Variants in CSMD1 observed in about 807,000 individuals in gnomAD.
CSMD1 encodes CUB and Sushi multiple domains 1.
A neutral mutation model predicts 417.5 loss-of-function variants in CSMD1; 213 were observed. The observed-to-expected ratio is 0.51, with a 90% confidence interval of 0.46 to 0.57. CSMD1 has a LOEUF of 0.57. Ranked by LOEUF, CSMD1 falls within the 20% of genes least tolerant of loss-of-function variation. The pLI, the probability that CSMD1 is intolerant of heterozygous loss-of-function variation, is 0.00. For missense variants in CSMD1, 6,923 were observed against 4,529.7 expected, an observed-to-expected ratio of 1.53 and a Z score of -15.17; for synonymous variants, 2,862 against 1,736.8, an observed-to-expected ratio of 1.65 and a Z score of -16.11.
chr8:4,146,259 C>A (rs542124911), intron 3 of CSMD1, among the ~76,000 whole-genome samples: 1 of 150,990 alleles, frequency 6.6e-6, no homozygotes, highest in African/African-American at 2.5e-5. Context: ...CTCATCCACT[C>A]GAGGCAGTAA....
intron 1 of CSMD1, among the ~76,000 whole-genome samples, chr8:4,765,123 C>A (rs1005085372): frequency 6.6e-6 from 1 of 152,072 alleles, no homozygotes; most frequent in South Asian, 2.1e-4. Context: ...AATCTTGGGT[C>A]TCCCTCTGAT....
At chr8:3,578,192 C>T (rs1352627545) in intron 9 of CSMD1, among the ~76,000 whole-genome samples, 1 of 152,106 alleles carries the variant, frequency 6.6e-6, no homozygotes, top group African/African-American at 2.4e-5. Context: ...ATATGTTACG[C>T]TTTAAAAAAT....
At chr8:3,470,965 C>T (rs1178903816) in intron 11 of CSMD1, among the ~76,000 whole-genome samples, 1 of 152,112 alleles carries the variant, frequency 6.6e-6, no homozygotes, top group Non-Finnish European at 1.5e-5. Flanking sequence ...CAGATGACAC[C>T]TAAAGCTGCT....
intron 1 of CSMD1, among the ~76,000 whole-genome samples, chr8:4,951,347 T>A (rs1416077564): frequency 6.6e-6 from 1 of 152,006 alleles, no homozygotes; most frequent in African/African-American, 2.4e-5. Flanking sequence ...ACTTGAGCTA[T>A]CTCTGCTCTT....
intron 2 of CSMD1, among the ~76,000 whole-genome samples, chr8:4,554,038 A>C (rs1797984969): frequency 6.6e-6 from 1 of 152,216 alleles, no homozygotes; most frequent in African/African-American, 2.4e-5. Context: ...AGTGTTCCAC[A>C]TTATATCCCT....
intron 4 of CSMD1, among the ~76,000 whole-genome samples, chr8:3,998,696 A>G (rs998683820): frequency 2.6e-5 from 4 of 152,288 alleles, no homozygotes; most frequent in African/African-American, 4.8e-5. Flanking sequence ...TAGAAAAGTG[A>G]TAAGTGAAAG....
At chr8:4,073,935 T>G (rs1448014575) in intron 3 of CSMD1, among the ~76,000 whole-genome samples, 1 of 152,144 alleles carries the variant, frequency 6.6e-6, no homozygotes, top group Non-Finnish European at 1.5e-5. Flanking sequence ...AGACGGTTTT[T>G]GACGGTTGCT....
chr8:4,684,832 G>A lies in CSMD1; in HGVS notation c.86-47274C>T, dbSNP rs866665545. ...AGTAAAAAAGAGATAGCTTATTCAT[G>A]TTAAAGAATATAATAGACAAACCTG... On this transcript the variant is annotated intron_variant, in intron 1 of 69. Coordinates refer to ENST00000635120, the MANE Select transcript of CSMD1 (RefSeq NM_033225.6). Among the ~76,000 whole-genome samples the A allele has an allele frequency of 3.1e-4, 47 of 152,266 alleles. 1 individual carries two copies. Among genetic ancestry groups the A allele is most frequent in the Admixed American group, 2.2e-3 (34 of 15,294 alleles).
At chr8:3,744,652 T>C (rs1796979602) in intron 6 of CSMD1, among the ~76,000 whole-genome samples, 3 of 152,216 alleles carry the variant, frequency 2.0e-5, no homozygotes, top group Admixed American at 2.0e-4. Context: ...CCAAAGCACA[T>C]GCTATTTACA....
intron 2 of CSMD1, among the ~76,000 whole-genome samples, chr8:4,465,708 G>T (rs1429024100): frequency 6.6e-6 from 1 of 152,148 alleles, no homozygotes; most frequent in Non-Finnish European, 1.5e-5. Flanking sequence ...GAAGAAGAAT[G>T]GTAGGAAAGG....
chr8:4,112,045 T>G (rs953793329), intron 3 of CSMD1, among the ~76,000 whole-genome samples: 1 of 151,610 alleles, frequency 6.6e-6, no homozygotes, highest in South Asian at 2.1e-4. Flanking sequence ...CTACTTTATG[T>G]TAACATTTGC....
At chr8:4,240,270 G>A (rs1025569912) in intron 3 of CSMD1, among the ~76,000 whole-genome samples, 14 of 152,170 alleles carry the variant, frequency 9.2e-5, no homozygotes, top group Admixed American at 2.0e-4. Flanking sequence ...CCTTTTCACT[G>A]GGAAACCTCT....
intron 3 of CSMD1, among the ~76,000 whole-genome samples, chr8:4,229,174 A>C (rs1477718278): frequency 6.6e-6 from 1 of 152,158 alleles, no homozygotes; most frequent in Non-Finnish European, 1.5e-5. Context: ...AAAAACCCGG[A>C]GTCAACTTGT....
At chr8:4,520,667 C>A (rs1385643701) in intron 2 of CSMD1, among the ~76,000 whole-genome samples, 3 of 152,156 alleles carry the variant, frequency 2.0e-5, no homozygotes, top group Admixed American at 2.0e-4. Flanking sequence ...ACGCCATGAA[C>A]AGACTTGTTC....
chr8:4,962,114 G>GTTTTTTTTTT (rs5889078), intron 1 of CSMD1, among the ~76,000 whole-genome samples: 1 of 144,876 alleles, frequency 6.9e-6, no homozygotes, highest in Non-Finnish European at 1.5e-5. Flanking sequence ...TTTTTTTGTT[G>GTTTTTTTTTT]TTTTTTTTTT....
intron 3 of CSMD1, among the ~76,000 whole-genome samples, chr8:4,080,214 G>C (rs144565489): frequency 1.3e-3 from 197 of 151,962 alleles, no homozygotes; most frequent in African/African-American, 4.4e-3. Flanking sequence ...AGTAGTAATA[G>C]TTGTCTCCTC....
rs1257491841 is a variant in CSMD1 at position 4,994,527 on chromosome 8, C to G, written c.-111G>C. Reference sequence around the variant, plus strand: ...GGCAAGGCGAGCCGGAGAGAGAGCCCGGTCCCAAGACCCGCCGCGCATCCG... The same window carrying G: ...GGCAAGGCGAGCCGGAGAGAGAGCCGGGTCCCAAGACCCGCCGCGCATCCG... On this transcript the variant is annotated 5_prime_UTR_variant, in exon 1 of 70. Transcript: ENST00000635120. 4.0e-6 allele frequency: 4 copies of G among 995,708 alleles called. No individual in the cohort carries two copies. Among genetic ancestry groups the G allele is most frequent in the Non-Finnish European group, 4.5e-6 (3 of 663,984 alleles). 61.7% of individuals were successfully genotyped at this position (995,708 alleles called of 1,614,324 possible).
At chr8:3,481,439 T>A (rs900985401) in intron 11 of CSMD1, among the ~76,000 whole-genome samples, 1 of 152,152 alleles carries the variant, frequency 6.6e-6, no homozygotes, top group African/African-American at 2.4e-5. Context: ...GGGCCCTAAA[T>A]GCAAGTGCAG....
At chr8:4,498,529 G>T (rs748653659) in intron 2 of CSMD1, among the ~76,000 whole-genome samples, 82 of 151,988 alleles carry the variant, frequency 5.4e-4, no homozygotes, top group Non-Finnish European at 2.2e-4. Context: ...TGAATTTTAG[G>T]GAGGGATAGG....
Sources: gnomAD v4.1 joint callset for allele counts (sites outside exome capture counted in the v4.1 genomes callset) on GRCh38, gnomAD v4.1.1 for gene constraint, MANE v1.5 for transcripts, NCBI Gene and HGNC (gene_info 2026-07-23, HGNC 2026-07-21) for gene names.